The following TSPEAR variants were observed in gnomAD, a reference collection of about 807,000 sequenced individuals.
TSPEAR encodes the protein thrombospondin type laminin G domain and EAR repeats.
TSPEAR carries 69 observed loss-of-function variants against 71.6 expected under a neutral mutation model. That is an observed-to-expected ratio of 0.96 (90% CI 0.79 to 1.18). The LOEUF (loss-of-function observed/expected upper bound fraction) is 1.18. Ranked by LOEUF, TSPEAR falls within the 50% of genes most tolerant of loss-of-function variation. The probability of loss-of-function intolerance (pLI) is 0.00; values close to 1 mark genes in which losing one functional copy is unlikely to be tolerated. For synonymous variants in TSPEAR, 402 were observed against 387.2 expected (o/e 1.04, Z -0.45); for missense variants, 971 against 894.9 (o/e 1.09, Z -1.09).
At chr21:44,703,908 G>C (rs782457123) in intron 1 of TSPEAR, among the ~76,000 whole-genome samples, 15 of 152,182 alleles carry the variant, frequency 9.9e-5, no homozygotes, top group Non-Finnish European at 5.9e-5. Context: ...AGTCCCCCCA[G>C]CTGCAGTGGA....
At chr21:44,654,315 G>T (rs1007053549) in intron 1 of TSPEAR, 1 of 1,614,068 alleles carries the variant, frequency 6.2e-7, no homozygotes, top group Non-Finnish European at 8.5e-7. Context: ...CAGGTCTATA[G>T]ACCAGGGTGG....
At chr21:44,573,073 G>A (rs587686550) in intron 1 of TSPEAR, among the ~76,000 whole-genome samples, 18 of 152,098 alleles carry the variant, frequency 1.2e-4, no homozygotes, top group Admixed American at 1.2e-3. Flanking sequence ...CCAAAACCAT[G>A]AGACACGGAA....
rs143975106 is a variant in TSPEAR at position 44,687,524 on chromosome 21, C to T, written c.82+23909G>A. Among the ~76,000 whole-genome samples, 340 of 152,214 alleles carry T rather than the reference C, an allele frequency of 2.2e-3. 2 individuals carry two copies. The highest frequency in any genetic ancestry group is 0.01 in the Admixed American group (153 of 15,292). On this transcript the variant is annotated intron_variant, in intron 1 of 11. Transcript: ENST00000323084. This position sits in a 1 kb window ranked among gnomAD's most constrained non-coding sequence, Gnocchi z 4.4. ...AAACACCGCGCGGGGTGGGAGAGGC[C>T]GGCACCAGAGGACTTGCTGTATGAC...
chr21:44,588,577 G>A (rs988089843), intron 1 of TSPEAR, among the ~76,000 whole-genome samples: 4 of 151,432 alleles, frequency 2.6e-5, no homozygotes, highest in Non-Finnish European at 4.4e-5. Context: ...ACTTGCTCAC[G>A]CATGTTTATA....
chr21:44,530,807 A>G (rs1189993615), intron 4 of TSPEAR, among the ~76,000 whole-genome samples: 1 of 152,208 alleles, frequency 6.6e-6, no homozygotes, highest in African/African-American at 2.4e-5. Flanking sequence ...TCAGCTCAGC[A>G]TGGTGGGGGC....
At chr21:44,599,535 C>T (rs1400209292) in intron 1 of TSPEAR, among the ~76,000 whole-genome samples, 1 of 152,252 alleles carries the variant, frequency 6.6e-6, no homozygotes, top group African/African-American at 2.4e-5. Flanking sequence ...AGCCCACCTC[C>T]CTCCCTGGTG....
At chr21:44,575,017 C>A in intron 1 of TSPEAR, 1 of 1,595,870 alleles carries the variant, frequency 6.3e-7, no homozygotes, top group South Asian at 1.1e-5. Flanking sequence ...GGTCAGAAGC[C>A]CAGCTGCTGA....
Position 44,612,016 on chromosome 21 carries a change from G to T in TSPEAR, c.83-44011C>A. ...GAGACTCCTGTGAGGAAAATACCCA[G>T]GGAGGGTATAAAACCTCAGCAGCCA... On this transcript the variant is annotated intron_variant, in intron 1 of 11. Transcript: ENST00000323084. The surrounding 1 kb of genome is among the most constrained non-coding windows in gnomAD (Gnocchi z 4.1). 7.3e-7 allele frequency: 1 copy of T among 1,364,428 alleles called. No individual in the cohort carries two copies. Among genetic ancestry groups the T allele is most frequent in the South Asian group, 1.3e-5 (1 of 77,180 alleles). 84.5% of individuals were successfully genotyped at this position (1,364,428 alleles called of 1,614,324 possible). A position where few individuals can be genotyped will look rare whatever the true frequency, so the allele number is the denominator to read the frequency against.
At chr21:44,533,212 G>C (rs1459980520) in intron 3 of TSPEAR, among the ~76,000 whole-genome samples, 1 of 152,182 alleles carries the variant, frequency 6.6e-6, no homozygotes, top group African/African-American at 2.4e-5. Context: ...CGCGGGAGAG[G>C]CCCATTCCCC....
intron 1 of TSPEAR, among the ~76,000 whole-genome samples, chr21:44,622,292 T>C (rs1982490389): frequency 6.6e-6 from 1 of 152,234 alleles, no homozygotes; most frequent in Non-Finnish European, 1.5e-5. Context: ...TGGTTTTTGC[T>C]TACGCAAGGA....
At chr21:44,576,016 T>A (rs1455191157) in intron 1 of TSPEAR, among the ~76,000 whole-genome samples, 1 of 152,216 alleles carries the variant, frequency 6.6e-6, no homozygotes, top group Non-Finnish European at 1.5e-5. Flanking sequence ...TGAGGAGTTT[T>A]GGGCATTTTA....
intron 8 of TSPEAR, among the ~76,000 whole-genome samples, chr21:44,522,700 C>T (rs897637521): frequency 2.0e-5 from 3 of 152,268 alleles, no homozygotes; most frequent in African/African-American, 4.8e-5. Context: ...GCAGGTGTCC[C>T]GGTACCTTCC....
intron 1 of TSPEAR, chr21:44,580,216 A>C (rs879957426): frequency 6.2e-7 from 1 of 1,609,960 alleles, no homozygotes; most frequent in East Asian, 2.2e-5. Context: ...AGGAAGAGGC[A>C]CAGCAAGTTG....
chr21:44,628,736 C>A (rs1237996426), intron 1 of TSPEAR, among the ~76,000 whole-genome samples: 1 of 144,506 alleles, frequency 6.9e-6, no homozygotes, highest in African/African-American at 2.6e-5. Context: ...GGGAGACGGG[C>A]GGTGGGGGGT....
chr21:44,704,390 T>C (rs2146334495), intron 1 of TSPEAR, among the ~76,000 whole-genome samples: 1 of 152,234 alleles, frequency 6.6e-6, no homozygotes, highest in East Asian at 1.9e-4. Flanking sequence ...ATTATCAGCC[T>C]CCTTCTAGCC....
At chr21:44,526,449 G>GT (rs1411010718) in intron 7 of TSPEAR, among the ~76,000 whole-genome samples, 1 of 139,690 alleles carries the variant, frequency 7.2e-6, no homozygotes, top group African/African-American at 3.3e-5. Context: ...TTGATGCAAA[G>GT]TTTTTTTTAT....
intron 1 of TSPEAR, chr21:44,646,691 C>T: frequency 6.2e-7 from 1 of 1,614,186 alleles, no homozygotes; most frequent in Non-Finnish European, 8.5e-7. Context: ...TGCACGCCGT[C>T]ATGCTGCCAG....
intron 2 of TSPEAR, chr21:44,557,641 C>A (rs782227984): frequency 2.2e-5 from 5 of 229,240 alleles, no homozygotes; most frequent in Non-Finnish European, 4.3e-5. Context: ...CAACAGCAGA[C>A]CCCGCACAGC....
At chr21:44,585,073 A>G (rs1979250234) in intron 1 of TSPEAR, among the ~76,000 whole-genome samples, 1 of 152,014 alleles carries the variant, frequency 6.6e-6, no homozygotes, top group African/African-American at 2.4e-5. Context: ...GCATCTGCGG[A>G]TTTTTGTGGA....
Sources: gnomAD v4.1 joint callset for allele counts (sites outside exome capture counted in the v4.1 genomes callset) on GRCh38, gnomAD v4.1.1 for gene constraint, Gnocchi (gnomAD v3.1) non-coding constraint, MANE v1.5 for transcripts, NCBI Gene and HGNC (gene_info 2026-07-23, HGNC 2026-07-21) for gene names.